TBX18: variants seen among roughly 807,000 people sequenced by gnomAD.
TBX18 encodes T-box transcription factor TBX18.
TBX18 carries 21 observed loss-of-function variants against 55.0 expected under a neutral mutation model. The observed-to-expected ratio is 0.38, with a 90% confidence interval of 0.27 to 0.55. The LOEUF is 0.55. Ranked by LOEUF, TBX18 falls within the 20% of genes least tolerant of loss-of-function variation. TBX18 has a pLI of 0.73. For synonymous variants in TBX18, 342 were observed against 326.1 expected, an observed-to-expected ratio of 1.05 and a Z score of -0.53; for missense variants, 840 against 799.6, an observed-to-expected ratio of 1.05 and a Z score of -0.61.
intron 4 of TBX18, among the ~76,000 whole-genome samples, chr6:84,752,049 C>G (rs1767362996): frequency 6.6e-6 from 1 of 152,176 alleles, no homozygotes; most frequent in African/African-American, 2.4e-5. Flanking sequence ...ATGTTCAGTG[C>G]TCTCTGATCT....
At chr6:84,757,070 C>A (rs1351314631) in intron 3 of TBX18, among the ~76,000 whole-genome samples, 1 of 152,138 alleles carries the variant, frequency 6.6e-6, no homozygotes, top group Non-Finnish European at 1.5e-5. Flanking sequence ...GACTAAGGGG[C>A]GTGTTAACGG....
At chr6:84,751,395 T>G (rs1350616544) in intron 4 of TBX18, among the ~76,000 whole-genome samples, 2 of 152,218 alleles carry the variant, frequency 1.3e-5, no homozygotes, top group African/African-American at 2.4e-5. Context: ...ATGGCTGATG[T>G]ATGTCTTTGT....
intron 4 of TBX18, among the ~76,000 whole-genome samples, chr6:84,755,566 G>C (rs1459796702): frequency 1.3e-5 from 2 of 152,196 alleles, no homozygotes; most frequent in African/African-American, 4.8e-5. Context: ...AATAAGGAAA[G>C]CCAAGGAGTA....
chr6:84,744,063 G>C (rs1203405186), intron 6 of TBX18, among the ~76,000 whole-genome samples, 198 bp downstream of exon 6: 1 of 152,142 alleles, frequency 6.6e-6, no homozygotes, highest in Non-Finnish European at 1.5e-5. Context: ...CAGCTCAGCA[G>C]CGCACATGAA....
chr6:84,734,978 A>G lies in TBX18; in HGVS notation c.*1707T>C, dbSNP rs1049408800. The G allele has an allele frequency of 1.3e-5, 2 of 152,228 alleles. No individual in the cohort carries two copies. Among genetic ancestry groups the G allele is most frequent in the African/African-American group, 4.8e-5 (2 of 41,456 alleles). 9.4% of individuals were successfully genotyped at this position (152,228 alleles called of 1,614,324 possible). A position where few individuals can be genotyped will look rare whatever the true frequency, so the allele number is the denominator to read the frequency against. On this transcript the variant is annotated 3_prime_UTR_variant, in exon 8 of 8. Coordinates refer to ENST00000369663, the MANE Select transcript of TBX18 (RefSeq NM_001080508.3). The stretch of plus-strand genomic sequence containing the variant: ...GGAATCCAAAAGGAAATTTGTTAAT[A>G]TGTATAAACAGAGTCACATCCTGTG...
intron 4 of TBX18, among the ~76,000 whole-genome samples, chr6:84,752,512 T>G (rs1364912515): frequency 6.6e-6 from 1 of 152,226 alleles, no homozygotes; most frequent in African/African-American, 2.4e-5. Context: ...TTACGCATGA[T>G]GCTGTATATA....
rs755536367 is a variant in TBX18, at chr6:84,760,327, A to C, written c.527T>G (p.Ile176Ser). Residue 176 changes from isoleucine (I) to serine (S), a missense_variant, in exon 3 of 8, where the codon ATC (isoleucine) becomes AGC (serine). Physicochemically the swap from Ile to Ser is moderately radical, Grantham distance 142. Coordinates refer to ENST00000369663, the MANE Select transcript of TBX18 (RefSeq NM_001080508.3). The part of the protein sequence containing the change: ...RRMFPAMRVK[I>S]SGLDPHQQYY... ...TTGCTGGTGAGGATCTAATCCAGAG[A>C]TCTTCACTCTCATTGCTGGAAACAT... 6.2e-7 allele frequency: 1 copy of C among 1,605,662 alleles called. No individual in the cohort carries two copies. The highest frequency in any genetic ancestry group is 8.5e-7 in the Non-Finnish European group (1 of 1,175,164).
At position 84,762,491 on chromosome 6, in the gene TBX18, G is replaced by C; in HGVS notation, c.497+53C>G. 4 of 1,599,412 alleles carry C rather than the reference G, an allele frequency of 2.5e-6. No homozygotes were observed. The South Asian group carries it at 4.4e-5, about 18-fold the overall frequency. ...TTCTTCCTGATTGAGCTAGAGGTGAGTGAAGACAGGGTCTGGGGTAGGGAG... is the reference window on the plus strand; with the variant it reads ...TTCTTCCTGATTGAGCTAGAGGTGACTGAAGACAGGGTCTGGGGTAGGGAG... On this transcript the variant is annotated intron_variant, in intron 2 of 7. Coordinates refer to ENST00000369663, the MANE Select transcript of TBX18 (RefSeq NM_001080508.3).
chr6:84,733,174 CTGTTGAA>C lies in TBX18; in HGVS notation c.*3504_*3510del, dbSNP rs1773849707. ...GTAGAGGGATACTAAGTTTATATAT[CTGTTGAA>C]TGTTTGTATACTTGAATATATTTGT... On this transcript the variant is annotated 3_prime_UTR_variant, in exon 8 of 8. Transcript: ENST00000369663. 1 of 152,098 alleles carries C rather than the reference CTGTTGAA, an allele frequency of 6.6e-6. No individual in the cohort carries two copies. The highest frequency in any genetic ancestry group is 6.6e-5 in the Admixed American group (1 of 15,260). The allele number at this position is 152,098 out of a possible 1,614,324, so 9.4% of individuals were successfully genotyped here. A position where few individuals can be genotyped will look rare whatever the true frequency, so the allele number is the denominator to read the frequency against.
At chr6:84,738,943 C>G (rs1022877202) in intron 6 of TBX18, among the ~76,000 whole-genome samples, 1 of 152,178 alleles carries the variant, frequency 6.6e-6, no homozygotes, top group African/African-American at 2.4e-5. Context: ...CTGGAACACA[C>G]CCACTCTCCT....
Position 84,736,641 on chromosome 6 carries a change from AAT to A in TBX18, c.*42_*43del. The A allele has an allele frequency of 1.4e-6, 2 of 1,450,960 alleles. No homozygotes were observed. Among genetic ancestry groups the A allele is most frequent in the Non-Finnish European group, 9.1e-7 (1 of 1,101,060 alleles). The allele number at this position is 1,450,960 out of a possible 1,614,324, so 89.9% of individuals were successfully genotyped here. A position where few individuals can be genotyped will look rare whatever the true frequency, so the allele number is the denominator to read the frequency against. ...CATAGCTTTTAAAAAAGAAAAAGAA[AAT>A]ATGTTAGACAGATCCAAATGTCATT... On this transcript the variant is annotated 3_prime_UTR_variant, in exon 8 of 8. Coordinates refer to ENST00000369663, the MANE Select transcript of TBX18 (RefSeq NM_001080508.3).
intron 4 of TBX18, among the ~76,000 whole-genome samples, chr6:84,752,821 T>A (rs1003831891): frequency 5.3e-5 from 8 of 152,116 alleles, no homozygotes; most frequent in Non-Finnish European, 2.9e-5. Context: ...TTCCCACAGG[T>A]CCCACTGTGG....
intron 3 of TBX18, 32 bp downstream of exon 3, chr6:84,760,223 T>C (rs1443873510): frequency 7.2e-6 from 10 of 1,379,500 alleles, no homozygotes; most frequent in Non-Finnish European, 9.8e-6. Flanking sequence ...TAGTGTTTTT[T>C]TTTTTAATTG....
chr6:84,745,781 A>G (rs1253001246), intron 5 of TBX18, among the ~76,000 whole-genome samples: 1 of 152,162 alleles, frequency 6.6e-6, no homozygotes, highest in East Asian at 1.9e-4. Context: ...AAACAGAGAC[A>G]TAACACAATT....
At chr6:84,741,450 A>G (rs1241310083) in intron 6 of TBX18, 1 of 152,226 alleles carries the variant, frequency 6.6e-6, no homozygotes, top group African/African-American at 2.4e-5. Context: ...GAATGAAACT[A>G]TTCTCAGCAC....
At chr6:84,763,593 A>G (rs1767720336) in intron 1 of TBX18, 1 of 632,778 alleles carries the variant, frequency 1.6e-6, no homozygotes, top group Admixed American at 2.3e-5. Context: ...TGGAACCCCA[A>G]GGGAGGCAGA....
chr6:84,755,168 C>T (rs1767454298), intron 4 of TBX18, among the ~76,000 whole-genome samples: 1 of 151,894 alleles, frequency 6.6e-6, no homozygotes, highest in Non-Finnish European at 1.5e-5. Flanking sequence ...ATATTTAGTA[C>T]ATTAGATATT....
Position 84,735,474 on chromosome 6 carries a change from T to G in TBX18, c.*1211A>C, listed in dbSNP as rs1773912296. 6.6e-6 allele frequency: 1 copy of G among 152,208 alleles called. No homozygotes were observed. Among genetic ancestry groups the G allele is most frequent in the African/African-American group, 2.4e-5 (1 of 41,462 alleles). 9.4% of individuals were successfully genotyped at this position (152,208 alleles called of 1,614,324 possible). ...GTCTTTATAGTAATGGGCTTTGGCC[T>G]TTGCACTATAGCTCCCAAAAGACAG... On this transcript the variant is annotated 3_prime_UTR_variant, in exon 8 of 8. Coordinates refer to ENST00000369663, the MANE Select transcript of TBX18 (RefSeq NM_001080508.3).
At chr6:84,752,922 C>T (rs860844) in intron 4 of TBX18, among the ~76,000 whole-genome samples, 129,082 of 152,130 alleles carry the variant, frequency 0.85, 54,796 homozygotes, top group South Asian at 0.96. Context: ...GCTAAATGTC[C>T]TCTAATTTTT....
Sources: gnomAD v4.1 joint callset for allele counts (sites outside exome capture counted in the v4.1 genomes callset) on GRCh38, gnomAD v4.1.1 for gene constraint, MANE v1.5 for transcripts, NCBI Gene and HGNC (gene_info 2026-07-23, HGNC 2026-07-21) for gene names.